WDPCP: variants seen among roughly 807,000 people sequenced by gnomAD.
WDPCP encodes WD repeat containing planar cell polarity effector.
A neutral mutation model predicts 93.1 loss-of-function variants in WDPCP; 71 were observed. The ratio of observed to expected loss-of-function variants is 0.76; its 90% confidence interval spans 0.63 to 0.93. The LOEUF (loss-of-function observed/expected upper bound fraction) is 0.93, where lower values mean the gene tolerates loss of function less well. WDPCP is among the 40% of genes least tolerant of loss of function. The probability of loss-of-function intolerance (pLI) is 0.00; values close to 1 mark genes in which losing one functional copy is unlikely to be tolerated. For missense variants in WDPCP, 844 were observed against 887.4 expected, an observed-to-expected ratio of 0.95 and a Z score of 0.62; for synonymous variants, 315 against 315.0, an observed-to-expected ratio of 1.00 and a Z score of 0.00.
chr2:63,553,494 T>C (rs1705837084), intron 1 of WDPCP, among the ~76,000 whole-genome samples: 1 of 152,166 alleles, frequency 6.6e-6, no homozygotes, highest in Non-Finnish European at 1.5e-5. Context: ...ATTTATGCAT[T>C]TTGGAGTGCA....
intron 17 of WDPCP, among the ~76,000 whole-genome samples, chr2:63,122,938 T>G (rs1225185353): frequency 6.6e-6 from 1 of 151,982 alleles, no homozygotes; most frequent in Non-Finnish European, 1.5e-5. Context: ...AGTCTGCATT[T>G]ATACTATTTT....
At chr2:63,158,215 C>T (rs1386794885) in intron 15 of WDPCP, among the ~76,000 whole-genome samples, 1 of 151,922 alleles carries the variant, frequency 6.6e-6, no homozygotes, top group Non-Finnish European at 1.5e-5. Context: ...TGTTTTATGA[C>T]CCAGGATATG....
At chr2:63,191,717 T>G (rs1428564865) in intron 14 of WDPCP, among the ~76,000 whole-genome samples, 1 of 152,210 alleles carries the variant, frequency 6.6e-6, no homozygotes, top group Non-Finnish European at 1.5e-5. Context: ...CATCAAACTA[T>G]AGATCACATG....
chr2:63,761,819 C>G (rs946429232), intron 2 of WDPCP, among the ~76,000 whole-genome samples: 1 of 152,170 alleles, frequency 6.6e-6, no homozygotes, highest in Non-Finnish European at 1.5e-5. Flanking sequence ...AGGATCAATA[C>G]TTTGTATCCT....
chr2:63,122,741 C>G (rs111276939), intron 17 of WDPCP, among the ~76,000 whole-genome samples: 6 of 151,852 alleles, frequency 4.0e-5, no homozygotes, highest in Non-Finnish European at 8.8e-5. Flanking sequence ...TGAAGATAAC[C>G]TACTTAGAGT....
rs1323585208 is a variant in WDPCP at position 63,382,101 on chromosome 2, C to G, written c.1436-7G>C. ...TGTCCTCGAGTGAAGACGCCTATCACAAAACATGGAAAACCAGGTGAATCT... is the reference window on the plus strand; with the variant it reads ...TGTCCTCGAGTGAAGACGCCTATCAGAAAACATGGAAAACCAGGTGAATCT... On this transcript the variant is annotated splice_region_variant and splice_polypyrimidine_tract_variant and intron_variant, in intron 10 of 17. Transcript: ENST00000272321. 3.1e-6 allele frequency: 5 copies of G among 1,610,952 alleles called. No individual in the cohort carries two copies. The highest frequency in any genetic ancestry group is 1.7e-5 in the Admixed American group (1 of 59,618).
chr2:63,691,027 C>T (rs1383114872), intron 2 of WDPCP, among the ~76,000 whole-genome samples: 1 of 152,146 alleles, frequency 6.6e-6, no homozygotes, highest in Non-Finnish European at 1.5e-5. Flanking sequence ...AATGAATGTA[C>T]ATGCATAACC....
chr2:63,723,629 G>A (rs1669459330), intron 2 of WDPCP, among the ~76,000 whole-genome samples: 1 of 152,004 alleles, frequency 6.6e-6, no homozygotes, highest in Non-Finnish European at 1.5e-5. Flanking sequence ...ATTAATGTCA[G>A]TTTGGACAGT....
intron 2 of WDPCP, among the ~76,000 whole-genome samples, chr2:63,811,534 G>A (rs1469757818): frequency 6.6e-6 from 1 of 151,440 alleles, no homozygotes; most frequent in East Asian, 1.9e-4. Flanking sequence ...CAACCTGAGT[G>A]AACTTGGAAG....
At chr2:63,456,916 G>A (rs1460746260) in intron 6 of WDPCP, among the ~76,000 whole-genome samples, 1 of 152,136 alleles carries the variant, frequency 6.6e-6, no homozygotes, top group Non-Finnish European at 1.5e-5. Context: ...GGAGGCTGAG[G>A]CATGAGAATC....
At chr2:63,236,203 CCAAGT>C (rs1454061594) in intron 14 of WDPCP, among the ~76,000 whole-genome samples, 2 of 152,080 alleles carry the variant, frequency 1.3e-5, no homozygotes, top group African/African-American at 2.4e-5. Flanking sequence ...AAGCTGAGAG[CCAAGT>C]CAAGAACTTA....
intron 10 of WDPCP, among the ~76,000 whole-genome samples, chr2:63,402,908 C>T (rs1694261105): frequency 6.6e-6 from 1 of 152,060 alleles, no homozygotes; most frequent in African/African-American, 2.4e-5. Flanking sequence ...TACTATTTGA[C>T]CTAGGAATCC....
chr2:63,339,775 T>G (rs547608303), intron 12 of WDPCP, among the ~76,000 whole-genome samples: 1 of 152,328 alleles, frequency 6.6e-6, no homozygotes, highest in South Asian at 2.1e-4. Flanking sequence ...TTTCCAATGC[T>G]TAGAGGGAAA....
chr2:63,231,415 A>C (rs575425030), intron 14 of WDPCP, among the ~76,000 whole-genome samples: 1 of 152,020 alleles, frequency 6.6e-6, no homozygotes, highest in South Asian at 2.1e-4. Flanking sequence ...TGACATGATT[A>C]TATATTTAGA....
intron 1 of WDPCP, among the ~76,000 whole-genome samples, chr2:63,562,013 T>C (rs2106417272): frequency 6.6e-6 from 1 of 152,324 alleles, no homozygotes; most frequent in Non-Finnish European, 1.5e-5. Flanking sequence ...AGCAATCTCA[T>C]TATTGGGTAT....
chr2:63,585,852 T>A (rs75612223), intron 1 of WDPCP, among the ~76,000 whole-genome samples: 1 of 150,524 alleles, frequency 6.6e-6, no homozygotes, highest in Non-Finnish European at 1.5e-5. Flanking sequence ...TTTTTTTTTT[T>A]TTGAGACAGG....
At chr2:63,327,495 C>A (rs1687646808) in intron 12 of WDPCP, among the ~76,000 whole-genome samples, 2 of 152,182 alleles carry the variant, frequency 1.3e-5, no homozygotes, top group African/African-American at 4.8e-5. Context: ...ACTCTACAAT[C>A]CCAAATAGAC....
intron 13 of WDPCP, among the ~76,000 whole-genome samples, chr2:63,268,780 G>A (rs1040939143): frequency 6.6e-6 from 1 of 151,928 alleles, no homozygotes; most frequent in African/African-American, 2.4e-5. Flanking sequence ...ACTGCTCCTG[G>A]CCTTCAAAAA....
intron 12 of WDPCP, among the ~76,000 whole-genome samples, chr2:63,351,272 G>A (rs1218051393): frequency 6.6e-6 from 1 of 152,152 alleles, no homozygotes; most frequent in Non-Finnish European, 1.5e-5. Context: ...ATGAGCCACT[G>A]TGCTCGGCTC....
Sources: gnomAD v4.1 joint callset for allele counts (sites outside exome capture counted in the v4.1 genomes callset) on GRCh38, gnomAD v4.1.1 for gene constraint, MANE v1.5 for transcripts, NCBI Gene and HGNC (gene_info 2026-07-23, HGNC 2026-07-21) for gene names.